THSD7B: variants seen among roughly 807,000 people sequenced by gnomAD.
THSD7B encodes the protein thrombospondin type-1 domain-containing protein 7B.
Under a neutral mutation model 213.6 loss-of-function variants are expected in THSD7B, and 138 were observed. The ratio of observed to expected loss-of-function variants is 0.65; its 90% CI spans 0.56 to 0.74. The LOEUF is 0.74. Ranked by LOEUF, THSD7B falls within the 30% of genes least tolerant of loss-of-function variation. The pLI is 0.00. For synonymous variants in THSD7B, 742 were observed against 687.0 expected (o/e 1.08, Z -1.25); for missense variants, 1,931 against 1,991.5 (o/e 0.97, Z 0.58).
intron 15 of THSD7B, among the ~76,000 whole-genome samples, chr2:137,526,494 T>C (rs1026709515): frequency 6.6e-6 from 1 of 152,116 alleles, no homozygotes; most frequent in East Asian, 1.9e-4. Flanking sequence ...CAATCTCATC[T>C]CACTGCAACC....
intron 2 of THSD7B, among the ~76,000 whole-genome samples, chr2:136,900,542 T>C (rs487311): frequency 0.67 from 102,503 of 152,006 alleles, 36,064 homozygotes; most frequent in Non-Finnish European, 0.79. Flanking sequence ...GTGTGGCTAT[T>C]GAGAAGGGCC....
intron 2 of THSD7B, among the ~76,000 whole-genome samples, chr2:136,938,560 A>G (rs759636758): frequency 6.6e-6 from 1 of 151,886 alleles, no homozygotes; most frequent in African/African-American, 2.4e-5. Context: ...AGATGCTTGT[A>G]TACATAATAT....
intron 17 of THSD7B, among the ~76,000 whole-genome samples, chr2:137,587,457 C>G (rs554021486): frequency 6.6e-6 from 1 of 152,278 alleles, no homozygotes; most frequent in African/African-American, 2.4e-5. Context: ...TTTTCCCCAT[C>G]TTTGTGGTTT....
intron 7 of THSD7B, among the ~76,000 whole-genome samples, chr2:137,187,250 G>A (rs1028845697): frequency 3.9e-5 from 6 of 152,090 alleles, no homozygotes; most frequent in African/African-American, 1.4e-4. Flanking sequence ...TGACAGCATG[G>A]CTTCTCCAGG....
At chr2:136,884,036 A>G (rs969814635) in intron 2 of THSD7B, among the ~76,000 whole-genome samples, 3 of 152,228 alleles carry the variant, frequency 2.0e-5, no homozygotes, top group African/African-American at 7.2e-5. Flanking sequence ...CAAAAGCTCC[A>G]ATGTATCCCT....
intron 7 of THSD7B, among the ~76,000 whole-genome samples, chr2:137,213,301 C>T (rs72971538): frequency 0.037 from 5,544 of 149,164 alleles, 370 homozygotes; most frequent in African/African-American, 0.13. Context: ...CTTTCTCCCT[C>T]CATTTGCACA....
chr2:137,306,978 T>A (rs1216023845), intron 12 of THSD7B, among the ~76,000 whole-genome samples: 1 of 152,176 alleles, frequency 6.6e-6, no homozygotes, highest in East Asian at 1.9e-4. Flanking sequence ...TTAAATTCTC[T>A]TCTGTAATCT....
chr2:137,178,976 A>G (rs115319495), intron 7 of THSD7B, among the ~76,000 whole-genome samples: 1,855 of 152,282 alleles, frequency 0.012, 33 homozygotes, highest in African/African-American at 0.04. Flanking sequence ...AATAGCTTAG[A>G]GCAAATTGCT....
intron 15 of THSD7B, among the ~76,000 whole-genome samples, chr2:137,556,145 C>T (rs1473689815): frequency 6.6e-6 from 1 of 152,182 alleles, no homozygotes; most frequent in Non-Finnish European, 1.5e-5. Flanking sequence ...AGAACTTCCC[C>T]AACCTAGCAA....
Position 137,179,024 on chromosome 2 carries a change from C to T in THSD7B, c.1723+8086C>T, listed in dbSNP as rs906228818. Among the ~76,000 whole-genome samples the T allele has an allele frequency of 3.3e-5, 5 of 152,136 alleles. No individual in the cohort carries two copies. In the East Asian group the frequency reaches 9.7e-4, roughly 29 times the overall value. ...CCTGTGTCTCTCATAGGAGTGCTGT[C>T]TCCTTTTTCTATCTCTTCTGAAATT... On this transcript the variant is annotated intron_variant, in intron 7 of 27. Coordinates refer to ENST00000409968, the MANE Select transcript of THSD7B (RefSeq NM_001316349.2).
chr2:137,049,334 T>C (rs1424648765), intron 2 of THSD7B, among the ~76,000 whole-genome samples: 2 of 152,142 alleles, frequency 1.3e-5, no homozygotes, highest in African/African-American at 4.8e-5. Flanking sequence ...TCAAGGGATA[T>C]CATTGCTACA....
chr2:137,145,150 CT>C lies in THSD7B; in HGVS notation c.1370-15057del, dbSNP rs572317109. On this transcript the variant is annotated intron_variant, in intron 5 of 27. Coordinates refer to ENST00000409968, the MANE Select transcript of THSD7B (RefSeq NM_001316349.2). ...TGGCAACTCAGAAAAGGAGAAGCTT[CT>C]TTTTTCCAAAAATATAGCAGTGTAT... Among the ~76,000 whole-genome samples the C allele has an allele frequency of 6.6e-5, 10 of 152,082 alleles. No individual in the cohort carries two copies. In the South Asian group the frequency reaches 2.1e-3, roughly 32 times the overall value.
chr2:137,322,849 T>C (rs1163600960), intron 12 of THSD7B, among the ~76,000 whole-genome samples: 1 of 152,186 alleles, frequency 6.6e-6, no homozygotes, highest in Non-Finnish European at 1.5e-5. Flanking sequence ...TGTTTCCTGA[T>C]AGGTACAGAA....
intron 1 of THSD7B, among the ~76,000 whole-genome samples, chr2:136,845,540 A>G (rs1468622122): frequency 2.6e-5 from 4 of 152,218 alleles, no homozygotes; most frequent in Non-Finnish European, 4.4e-5. Context: ...ATTTTGCCCC[A>G]TAAAACATTT....
chr2:137,306,341 C>T (rs2104853693), intron 12 of THSD7B, among the ~76,000 whole-genome samples: 1 of 152,198 alleles, frequency 6.6e-6, no homozygotes, highest in African/African-American at 2.4e-5. Flanking sequence ...TAATGGAATT[C>T]TAGGAACTGT....
At chr2:137,131,502 A>T (rs1452716117) in intron 5 of THSD7B, among the ~76,000 whole-genome samples, 8 of 152,106 alleles carry the variant, frequency 5.3e-5, no homozygotes, top group Non-Finnish European at 8.8e-5. Flanking sequence ...CTAGGGTTTT[A>T]ATGGTTTTAG....
chr2:136,902,084 C>T (rs1040136682), intron 2 of THSD7B, among the ~76,000 whole-genome samples: 2 of 152,218 alleles, frequency 1.3e-5, no homozygotes, highest in African/African-American at 4.8e-5. Context: ...TGAAGATCTT[C>T]ACCTCTAAAC....
chr2:137,383,811 C>T (rs536421246), intron 12 of THSD7B, among the ~76,000 whole-genome samples: 2 of 152,246 alleles, frequency 1.3e-5, no homozygotes, highest in South Asian at 4.2e-4. Flanking sequence ...TTTTCCAGCT[C>T]CCTGCCACTT....
chr2:137,291,291 AC>A (rs1440383534), intron 12 of THSD7B, among the ~76,000 whole-genome samples: 1 of 152,138 alleles, frequency 6.6e-6, no homozygotes, highest in Non-Finnish European at 1.5e-5. Context: ...TTCTCAGTAT[AC>A]ACTCCCTTCT....
Sources: gnomAD v4.1 joint callset for allele counts (sites outside exome capture counted in the v4.1 genomes callset) on GRCh38, gnomAD v4.1.1 for gene constraint, MANE v1.5 for transcripts, NCBI Gene and HGNC (gene_info 2026-07-23, HGNC 2026-07-21) for gene names.